The following TPTE variants were observed in gnomAD, a reference collection of about 807,000 sequenced individuals.
TPTE encodes the protein transmembrane phosphatase with tensin homology, also known as putative tyrosine-protein phosphatase TPTE.
A neutral mutation model predicts 84.1 loss-of-function variants in TPTE; 59 were observed. The observed-to-expected ratio is 0.70, with a 90% CI of 0.57 to 0.87. The LOEUF (loss-of-function observed/expected upper bound fraction) is 0.87. Ranked by LOEUF, TPTE falls within the 40% of genes least tolerant of loss-of-function variation. TPTE has a pLI of 0.00. For missense variants in TPTE, 382 were observed against 659.6 expected, an observed-to-expected ratio of 0.58 and a Z score of 4.61; for synonymous variants, 130 against 223.5, an observed-to-expected ratio of 0.58 and a Z score of 3.73.
At chr21:10,585,146 CT>C (rs1163126410) in intron 17 of TPTE, among the ~76,000 whole-genome samples, 2 of 152,298 alleles carry the variant, frequency 1.3e-5, no homozygotes, top group Non-Finnish European at 2.9e-5. Flanking sequence ...ACGAGAATCA[CT>C]TGAAACCAGG....
At chr21:10,580,585 G>C (rs1293236960) in intron 17 of TPTE, among the ~76,000 whole-genome samples, 1 of 152,308 alleles carries the variant, frequency 6.6e-6, no homozygotes, top group African/African-American at 2.4e-5. Context: ...AGTTTCCCCA[G>C]TATCGTTTAT....
chr21:10,573,857 C>G (rs538576770), intron 14 of TPTE, among the ~76,000 whole-genome samples: 1 of 152,306 alleles, frequency 6.6e-6, no homozygotes, highest in African/African-American at 2.4e-5. Flanking sequence ...GGCAAGAGTC[C>G]GAGGAGCGGC....
chr21:10,566,907 G>T (rs2074932715), intron 10 of TPTE, among the ~76,000 whole-genome samples: 1 of 152,248 alleles, frequency 6.6e-6, no homozygotes, highest in Non-Finnish European at 1.5e-5. Flanking sequence ...AACCCAGGAG[G>T]TGGAGGTTGC....
At chr21:10,578,010 C>A (rs1400125614) in intron 15 of TPTE, among the ~76,000 whole-genome samples, 1 of 152,308 alleles carries the variant, frequency 6.6e-6, no homozygotes, top group Admixed American at 6.5e-5. Context: ...TAGACATTTT[C>A]AGGGGGCAAA....
chr21:10,560,318 C>T (rs182899395), intron 9 of TPTE, among the ~76,000 whole-genome samples: 40 of 152,396 alleles, frequency 2.6e-4, no homozygotes, highest in East Asian at 1.2e-3. Flanking sequence ...TAGATTTATA[C>T]GATATAATTG....
At chr21:10,594,453 T>G (rs1285836395) in intron 19 of TPTE, among the ~76,000 whole-genome samples, 1 of 152,310 alleles carries the variant, frequency 6.6e-6, no homozygotes, top group Non-Finnish European at 1.5e-5. Context: ...AATGTTTTCT[T>G]TGTTTGTAGT....
At chr21:10,566,410 A>G (rs1359123283) in intron 10 of TPTE, among the ~76,000 whole-genome samples, 1 of 152,310 alleles carries the variant, frequency 6.6e-6, no homozygotes, top group East Asian at 1.9e-4. Context: ...TGTTCATGGA[A>G]ATGTAAATTA....
At chr21:10,539,050 T>C (rs1235197805) in intron 4 of TPTE, among the ~76,000 whole-genome samples, 6 of 152,302 alleles carry the variant, frequency 3.9e-5, no homozygotes, top group Non-Finnish European at 7.3e-5. Flanking sequence ...CGGAGTGATA[T>C]AAAAAGGAGC....
At chr21:10,540,816 C>T in intron 4 of TPTE, 1 of 550,580 alleles carries the variant, frequency 1.8e-6, no homozygotes, top group Non-Finnish European at 3.6e-6. Flanking sequence ...GACTCAGGAA[C>T]TAAATTTGAA....
At chr21:10,592,925 A>G (rs1366113506) in intron 19 of TPTE, among the ~76,000 whole-genome samples, 4 of 152,302 alleles carry the variant, frequency 2.6e-5, no homozygotes, top group African/African-American at 9.6e-5. Context: ...CCCAGACAGT[A>G]TTGCACTTTT....
At chr21:10,596,738 C>T (rs555493650) in intron 20 of TPTE, among the ~76,000 whole-genome samples, 2 of 152,426 alleles carry the variant, frequency 1.3e-5, no homozygotes, top group South Asian at 4.1e-4. Flanking sequence ...AGCTTGTGGA[C>T]CTGAGATGGT....
intron 10 of TPTE, among the ~76,000 whole-genome samples, chr21:10,564,090 G>T (rs1233779081): frequency 1.3e-5 from 2 of 152,304 alleles, no homozygotes; most frequent in South Asian, 4.1e-4. Context: ...GGAGGCAGAG[G>T]TTGCAGTGAG....
chr21:10,554,688 C>A (rs1442545438), intron 8 of TPTE, among the ~76,000 whole-genome samples: 1 of 152,306 alleles, frequency 6.6e-6, no homozygotes, highest in Non-Finnish European at 1.5e-5. Context: ...TGTGATTTTG[C>A]CTTTAATGTT....
At chr21:10,585,483 ATTATT>A (rs2075347852) in intron 17 of TPTE, among the ~76,000 whole-genome samples, 2 of 152,308 alleles carry the variant, frequency 1.3e-5, no homozygotes, top group Admixed American at 1.3e-4. Flanking sequence ...TACTTATTAA[ATTATT>A]TTATTATTAA....
intron 1 of TPTE, among the ~76,000 whole-genome samples, chr21:10,522,154 A>AG (rs1468055984): frequency 2.6e-5 from 4 of 152,144 alleles, no homozygotes; most frequent in Non-Finnish European, 1.5e-5. Context: ...GTCCCCCCCC[A>AG]GGATGACCTG....
At chr21:10,527,989 C>T (rs544842363) in intron 3 of TPTE, among the ~76,000 whole-genome samples, 3 of 152,424 alleles carry the variant, frequency 2.0e-5, no homozygotes, top group African/African-American at 7.2e-5. Context: ...GTTAAATTTG[C>T]TGCCACACAT....
chr21:10,576,437 CAT>C (rs568698633), intron 14 of TPTE: 494 of 173,264 alleles, frequency 2.9e-3, no homozygotes, highest in African/African-American at 0.011. Flanking sequence ...ATTATCTTAA[CAT>C]AGAGATTGAT....
chr21:10,535,292 A>T (rs532060244), intron 3 of TPTE, among the ~76,000 whole-genome samples: 2 of 152,424 alleles, frequency 1.3e-5, no homozygotes, highest in East Asian at 1.9e-4. Flanking sequence ...ACAAGGATTT[A>T]TATACAAGTA....
At chr21:10,589,445 A>C (rs1419793794) in intron 17 of TPTE, among the ~76,000 whole-genome samples, 1 of 151,092 alleles carries the variant, frequency 6.6e-6, no homozygotes, top group Non-Finnish European at 1.5e-5. Flanking sequence ...TGAAATCCTG[A>C]GTACACATTA....
Sources: gnomAD v4.1 joint callset for allele counts (sites outside exome capture counted in the v4.1 genomes callset) on GRCh38, gnomAD v4.1.1 for gene constraint, MANE v1.5 for transcripts, NCBI Gene and HGNC (gene_info 2026-07-23, HGNC 2026-07-21) for gene names.